The following ROBO2 variants were observed in gnomAD, a reference collection of about 807,000 sequenced individuals.
The protein encoded by ROBO2 is roundabout guidance receptor 2.
In ROBO2, 53 loss-of-function variants were observed where a neutral mutation model predicts 160.8. The ratio of observed to expected loss-of-function variants is 0.33; its 90% CI spans 0.26 to 0.41. The LOEUF is 0.41. Ranked by LOEUF, ROBO2 falls within the 10% of genes least tolerant of loss-of-function variation. The pLI, the probability that ROBO2 is intolerant of heterozygous loss-of-function variation, is 1.00. For synonymous variants in ROBO2, 664 were observed against 611.7 expected, an observed-to-expected ratio of 1.09 and a Z score of -1.26; for missense variants, 1,577 against 1,722.4, an observed-to-expected ratio of 0.92 and a Z score of 1.49.
chr3:76,474,071 A>G (rs572629652), intron 2 of ROBO2, among the ~76,000 whole-genome samples: 1 of 152,308 alleles, frequency 6.6e-6, no homozygotes, highest in African/African-American at 2.4e-5. Flanking sequence ...GTTATAGAGT[A>G]AGTTCCTCTT....
chr3:77,363,833 C>A (rs2070422398), intron 2 of ROBO2, among the ~76,000 whole-genome samples: 1 of 151,982 alleles, frequency 6.6e-6, no homozygotes, highest in South Asian at 2.1e-4. Context: ...GTGTCTATGA[C>A]CTGCCTTGGA....
chr3:76,692,593 A>G (rs1214017072), intron 2 of ROBO2, among the ~76,000 whole-genome samples: 2 of 152,154 alleles, frequency 1.3e-5, no homozygotes, highest in Non-Finnish European at 2.9e-5. Flanking sequence ...ACTGACTTTC[A>G]GTTATAAATT....
chr3:76,182,850 A>G (rs1210432202), intron 2 of ROBO2, among the ~76,000 whole-genome samples: 1 of 152,130 alleles, frequency 6.6e-6, no homozygotes, highest in Non-Finnish European at 1.5e-5. Context: ...TTCAATTACG[A>G]TATAATATTT....
chr3:77,592,394 T>C lies in ROBO2; in HGVS notation c.2684-2748T>C, dbSNP rs149581177. Among the ~76,000 whole-genome samples the C allele has an allele frequency of 3.4e-3, 523 of 152,234 alleles. 1 individual carries two copies. The highest frequency in any genetic ancestry group is 0.012 in the African/African-American group (495 of 41,558). On this transcript the variant is annotated intron_variant, in intron 17 of 25. Transcript: ENST00000461745. ...GGGAACAGAAACAGAAAATAGATTG[T>C]CCCAAATGCTTAATAAGAAATATTT...
intron 2 of ROBO2, among the ~76,000 whole-genome samples, chr3:77,099,604 TACAC>T (rs2071624140): frequency 6.6e-6 from 1 of 152,208 alleles, no homozygotes; most frequent in Non-Finnish European, 1.5e-5. Flanking sequence ...CAATTTGAAA[TACAC>T]ACACAAAAAT....
At chr3:77,135,869 AAACG>A (rs1352373330) in intron 2 of ROBO2, among the ~76,000 whole-genome samples, 31 of 152,340 alleles carry the variant, frequency 2.0e-4, no homozygotes, top group African/African-American at 7.5e-4. Context: ...ACAAACAAAC[AAACG>A]AACAAAAAAC....
chr3:77,052,932 G>A (rs1401797339), intron 1 of ROBO2, among the ~76,000 whole-genome samples: 4 of 152,106 alleles, frequency 2.6e-5, no homozygotes, highest in Admixed American at 1.3e-4. Flanking sequence ...ATAAGCACTG[G>A]GATATAAGGG....
chr3:76,748,107 A>C (rs917043829), intron 2 of ROBO2, among the ~76,000 whole-genome samples: 1 of 151,952 alleles, frequency 6.6e-6, no homozygotes, highest in African/African-American at 2.4e-5. Context: ...TATTCATCCC[A>C]TTCATTATTT....
chr3:77,152,067 A>G (rs376614574), intron 2 of ROBO2, among the ~76,000 whole-genome samples: 1 of 152,144 alleles, frequency 6.6e-6, no homozygotes, highest in African/African-American at 2.4e-5. Context: ...TTTTCTGGGC[A>G]TATTCCTGTT....
At chr3:76,890,078 G>C (rs1405015341) in intron 2 of ROBO2, among the ~76,000 whole-genome samples, 1 of 152,062 alleles carries the variant, frequency 6.6e-6, no homozygotes. Flanking sequence ...GTCATTTCAG[G>C]ATTCTGAGCC....
At chr3:77,030,215 A>T (rs916728375) in intron 2 of ROBO2, among the ~76,000 whole-genome samples, 2 of 152,206 alleles carry the variant, frequency 1.3e-5, no homozygotes, top group Non-Finnish European at 1.5e-5. Context: ...GAGTGCTGGG[A>T]TTACAGGCGT....
chr3:77,093,050 C>G (rs1298701578), intron 1 of ROBO2, among the ~76,000 whole-genome samples: 2 of 151,968 alleles, frequency 1.3e-5, no homozygotes, highest in African/African-American at 4.8e-5. Context: ...TCCTCATCCC[C>G]CTTCTCTTCC....
chr3:77,603,596 T>G (rs1401887829), intron 20 of ROBO2: 1 of 153,074 alleles, frequency 6.5e-6, no homozygotes, highest in Non-Finnish European at 1.5e-5. Flanking sequence ...TCTTTGATAT[T>G]GCTAATTCTT....
At position 76,278,895 on chromosome 3, in the gene ROBO2, ACTGTAAG is replaced by A. The variant is rs1407372156; in HGVS notation, c.109+341297_109+341303del. Among the ~76,000 whole-genome samples, 14 of 151,872 alleles carry A rather than the reference ACTGTAAG, an allele frequency of 9.2e-5. No homozygotes were observed. The Admixed American group carries it at 9.2e-4, about 10-fold the overall frequency. On this transcript the variant is annotated intron_variant, in intron 2 of 26. Coordinates refer to the ROBO2 transcript ENST00000487694. ...CTGCTACCCTTATAACCTCTTCCTCACTGTAAGCTGCTCTCCCACTCCTACCCAATGC... is the reference window on the plus strand; with the variant it reads ...CTGCTACCCTTATAACCTCTTCCTCACTGCTCTCCCACTCCTACCCAATGC...
intron 2 of ROBO2, among the ~76,000 whole-genome samples, chr3:76,804,389 G>A (rs1256751915): frequency 3.3e-5 from 5 of 152,170 alleles, no homozygotes; most frequent in African/African-American, 1.2e-4. Flanking sequence ...CAGCTAGAAG[G>A]AGTGTGATTC....
intron 2 of ROBO2, among the ~76,000 whole-genome samples, chr3:76,064,048 G>C (rs904560869): frequency 1.3e-5 from 2 of 152,176 alleles, no homozygotes; most frequent in Non-Finnish European, 2.9e-5. Flanking sequence ...AGGGACGTTA[G>C]TCCTCTAACT....
At chr3:76,312,137 G>C (rs2071632907) in intron 2 of ROBO2, among the ~76,000 whole-genome samples, 1 of 152,168 alleles carries the variant, frequency 6.6e-6, no homozygotes, top group African/African-American at 2.4e-5. Context: ...CAAAATGATG[G>C]TGCAGACATA....
At chr3:77,584,775 G>A (rs1170008450) in intron 16 of ROBO2, among the ~76,000 whole-genome samples, 1 of 151,506 alleles carries the variant, frequency 6.6e-6, no homozygotes, top group East Asian at 1.9e-4. Context: ...AAATAAATTG[G>A]AATAAGAAAG....
chr3:76,583,424 G>A (rs760744529), intron 2 of ROBO2, among the ~76,000 whole-genome samples: 7 of 152,068 alleles, frequency 4.6e-5, no homozygotes, highest in Middle Eastern at 3.2e-3. Context: ...AACACTTTCC[G>A]GAACATTCTA....
Sources: allele counts gnomAD v4.1 joint callset (sites outside exome capture counted in the v4.1 genomes callset), GRCh38; gene constraint gnomAD v4.1.1; transcripts MANE v1.5; gene names NCBI Gene and HGNC (gene_info 2026-07-23, HGNC 2026-07-21).